The following SDK1 variants were observed in gnomAD, a reference collection of about 807,000 sequenced individuals.
The protein encoded by SDK1 is protein sidekick-1.
A neutral mutation model predicts 245.5 loss-of-function variants in SDK1; 157 were observed. The observed-to-expected ratio is 0.64, with a 90% CI of 0.56 to 0.73. SDK1 has a LOEUF of 0.73. SDK1 is among the 30% of genes least tolerant of loss of function. The probability of loss-of-function intolerance (pLI) is 0.00; values close to 1 mark genes in which losing one functional copy is unlikely to be tolerated. For synonymous variants in SDK1, 1,647 were observed against 1,278.5 expected, an observed-to-expected ratio of 1.29 and a Z score of -6.15; for missense variants, 3,583 against 3,002.3, an observed-to-expected ratio of 1.19 and a Z score of -4.52.
intron 1 of SDK1, among the ~76,000 whole-genome samples, chr7:3,506,257 G>C (rs1782389529): frequency 6.6e-6 from 1 of 151,868 alleles, no homozygotes; most frequent in South Asian, 2.1e-4. Context: ...AGGATTCCAG[G>C]GTGATAGTTT....
chr7:3,780,275 G>T (rs1156997790), intron 4 of SDK1, among the ~76,000 whole-genome samples: 5 of 152,186 alleles, frequency 3.3e-5, no homozygotes, highest in Non-Finnish European at 5.9e-5. Flanking sequence ...AGAACCAGAG[G>T]CAGTCATCTA....
chr7:3,609,342 G>A (rs915622046), intron 1 of SDK1, among the ~76,000 whole-genome samples: 13 of 152,160 alleles, frequency 8.5e-5, no homozygotes, highest in Non-Finnish European at 1.8e-4. Context: ...CCCAGACATA[G>A]GGGTTAAGTA....
intron 14 of SDK1, among the ~76,000 whole-genome samples, chr7:3,989,047 G>T (rs7794624): frequency 0.17 from 25,389 of 152,182 alleles, 3,329 homozygotes; most frequent in African/African-American, 0.37. Context: ...GAGCCACCGC[G>T]CCTGGCGTCC....
intron 25 of SDK1, among the ~76,000 whole-genome samples, chr7:4,116,400 AGCACGTGCCCAGTGCATCT>A (rs1449289023): frequency 1.3e-5 from 2 of 152,180 alleles, no homozygotes; most frequent in Non-Finnish European, 2.9e-5. Context: ...CGAGGGCACC[AGCACGTGCCCAGTGCATCT>A]GCACGTGCCA....
chr7:3,901,939 G>A (rs1781804307), intron 5 of SDK1, among the ~76,000 whole-genome samples: 1 of 152,148 alleles, frequency 6.6e-6, no homozygotes, highest in South Asian at 2.1e-4. Flanking sequence ...TGCTGGGCAT[G>A]GTTTCAGAGT....
intron 5 of SDK1, among the ~76,000 whole-genome samples, chr7:3,866,899 G>A (rs868746175): frequency 5.3e-5 from 8 of 152,184 alleles, no homozygotes; most frequent in African/African-American, 1.9e-4. Context: ...GGACTGCCGA[G>A]AGAACACGTG....
intron 1 of SDK1, among the ~76,000 whole-genome samples, chr7:3,599,596 A>G (rs1781189772): frequency 1.3e-5 from 2 of 152,106 alleles, no homozygotes; most frequent in African/African-American, 4.8e-5. Context: ...TTATGGTTCT[A>G]CGTTTAAGTT....
At position 3,417,582 on chromosome 7, in the gene SDK1, G is replaced by A. The variant is rs535799464; in HGVS notation, c.298+115698G>A. On this transcript the variant is annotated intron_variant, in intron 1 of 44. Coordinates refer to ENST00000404826, the MANE Select transcript of SDK1 (RefSeq NM_152744.4). ...GTGTACTAAGGCAAAAATACCCTGA[G>A]TATCTGTGCTCATTAACCTCTGTGT... Among the ~76,000 whole-genome samples, 4 of 152,258 alleles carry A rather than the reference G, an allele frequency of 2.6e-5. No individual in the cohort carries two copies. The East Asian group carries it at 7.7e-4, about 29-fold the overall frequency.
intron 5 of SDK1, among the ~76,000 whole-genome samples, chr7:3,869,109 G>C (rs1415969281): frequency 1.3e-5 from 2 of 151,640 alleles, no homozygotes; most frequent in Non-Finnish European, 2.9e-5. Flanking sequence ...CCAAAAAAGA[G>C]GAAACTAACA....
intron 9 of SDK1, among the ~76,000 whole-genome samples, chr7:3,965,346 C>T (rs1207753982): frequency 6.6e-6 from 1 of 152,088 alleles, no homozygotes; most frequent in African/African-American, 2.4e-5. Context: ...TGGAGCTAAC[C>T]AAACCCAGAT....
intron 35 of SDK1, among the ~76,000 whole-genome samples, chr7:4,190,234 C>A (rs909398441): frequency 6.6e-6 from 1 of 152,208 alleles, no homozygotes; most frequent in Admixed American, 6.5e-5. Flanking sequence ...ACATATCACG[C>A]GATAATGACA....
intron 5 of SDK1, among the ~76,000 whole-genome samples, chr7:3,869,182 G>T (rs1301085409): frequency 1.4e-5 from 2 of 146,612 alleles, no homozygotes; most frequent in South Asian, 2.2e-4. Context: ...TTGAGGCAGG[G>T]TCTCACTCTG....
intron 19 of SDK1, among the ~76,000 whole-genome samples, chr7:4,063,228 A>G (rs956509951): frequency 6.6e-6 from 1 of 152,234 alleles, no homozygotes; most frequent in Non-Finnish European, 1.5e-5. Context: ...AAACTCCTAT[A>G]TCTGATAAAT....
intron 1 of SDK1, among the ~76,000 whole-genome samples, chr7:3,494,652 A>T (rs1343198728): frequency 6.6e-6 from 1 of 152,212 alleles, no homozygotes; most frequent in African/African-American, 2.4e-5. Flanking sequence ...TCATCTCCCA[A>T]CAATTATGTT....
At chr7:4,186,724 C>T (rs1051433030) in intron 35 of SDK1, among the ~76,000 whole-genome samples, 1 of 152,178 alleles carries the variant, frequency 6.6e-6, no homozygotes, top group African/African-American at 2.4e-5. Context: ...CCCAGCCCAC[C>T]TCACTAAGCC....
At chr7:4,184,028 G>A (rs976282253) in intron 35 of SDK1, among the ~76,000 whole-genome samples, 1 of 152,202 alleles carries the variant, frequency 6.6e-6, no homozygotes, top group Non-Finnish European at 1.5e-5. Flanking sequence ...TCTGGAAGGA[G>A]AAAGCCAGTT....
At chr7:3,664,299 A>C (rs1408641522) in intron 4 of SDK1, among the ~76,000 whole-genome samples, 1 of 152,148 alleles carries the variant, frequency 6.6e-6, no homozygotes, top group East Asian at 1.9e-4. Context: ...CCAGGCTGTT[A>C]ATTACCCCAC....
At chr7:3,332,341 G>A (rs528603398) in intron 1 of SDK1, among the ~76,000 whole-genome samples, 8 of 152,168 alleles carry the variant, frequency 5.3e-5, no homozygotes, top group African/African-American at 1.9e-4. Context: ...TAATGTCAGT[G>A]CCGTCAGTTG....
At chr7:3,981,044 A>G (rs1368221883) in intron 13 of SDK1, among the ~76,000 whole-genome samples, 2 of 152,156 alleles carry the variant, frequency 1.3e-5, no homozygotes, top group South Asian at 2.1e-4. Flanking sequence ...TTTGTTATTT[A>G]CAAACTGGAG....
Sources: gnomAD v4.1 joint callset for allele counts (sites outside exome capture counted in the v4.1 genomes callset) on GRCh38, gnomAD v4.1.1 for gene constraint, MANE v1.5 for transcripts, NCBI Gene and HGNC (gene_info 2026-07-23, HGNC 2026-07-21) for gene names.